PLCE1: variants seen among roughly 807,000 people sequenced by gnomAD.
PLCE1 encodes 1-phosphatidylinositol 4,5-bisphosphate phosphodiesterase epsilon-1.
In PLCE1, 119 loss-of-function variants were observed where a neutral mutation model predicts 242.8. That is an observed-to-expected ratio of 0.49 (90% confidence interval 0.42 to 0.57). The LOEUF is 0.57. Ranked by LOEUF, PLCE1 falls within the 20% of genes least tolerant of loss-of-function variation. The probability of loss-of-function intolerance (pLI) is 0.00; values close to 1 mark genes in which losing one functional copy is unlikely to be tolerated. For missense variants in PLCE1, 2,441 were observed against 2,788.8 expected, an observed-to-expected ratio of 0.88 and a Z score of 2.81; for synonymous variants, 945 against 1,017.4, an observed-to-expected ratio of 0.93 and a Z score of 1.35.
intron 14 of PLCE1, among the ~76,000 whole-genome samples, chr10:94,264,303 C>CAGGG (rs1236431373): frequency 6.6e-6 from 1 of 151,962 alleles, no homozygotes; most frequent in East Asian, 1.9e-4. Context: ...AAGACCAAGA[C>CAGGG]AGCAGCAAGC....
At chr10:94,012,545 G>T (rs985926674) in intron 1 of PLCE1, among the ~76,000 whole-genome samples, 1 of 152,046 alleles carries the variant, frequency 6.6e-6, no homozygotes, top group Non-Finnish European at 1.5e-5. Context: ...GATTGCCTGG[G>T]AAGCTGTGCA....
chr10:94,251,434 AAGGAG>A, intron 8 of PLCE1, among the ~76,000 whole-genome samples: 1 of 152,352 alleles, frequency 6.6e-6, no homozygotes, highest in Non-Finnish European at 1.5e-5. Context: ...TGGAACTGCA[AAGGAG>A]AGCCAGCCTG....
intron 4 of PLCE1, among the ~76,000 whole-genome samples, chr10:94,182,168 T>C (rs982676543): frequency 6.6e-6 from 1 of 151,972 alleles, no homozygotes; most frequent in African/African-American, 2.4e-5. Flanking sequence ...GGAAAATGGT[T>C]TCTATCTTTG....
At chr10:94,010,340 C>T (rs1486609601) in intron 1 of PLCE1, among the ~76,000 whole-genome samples, 1 of 152,214 alleles carries the variant, frequency 6.6e-6, no homozygotes, top group African/African-American at 2.4e-5. Context: ...TCCTCCTTAG[C>T]CTCTGAGCCT....
rs570696042 is a variant in PLCE1 at position 94,116,627 on chromosome 10, AG to A, written c.1207-15546del. On this transcript the variant is annotated intron_variant, in intron 2 of 32. Transcript: ENST00000371380. ...GGAGAATTGCTTGAACCTGGGAGGC[AG>A]AAGTTGCAATAAGCTAAAATCGCAC... Among the ~76,000 whole-genome samples the A allele has an allele frequency of 4.9e-3, 750 of 152,310 alleles. 8 individuals carry two copies. Among genetic ancestry groups the A allele is most frequent in the African/African-American group, 0.017 (716 of 41,564 alleles).
chr10:94,184,316 C>T (rs1041273422), intron 4 of PLCE1, among the ~76,000 whole-genome samples: 1 of 152,130 alleles, frequency 6.6e-6, no homozygotes, highest in Non-Finnish European at 1.5e-5. Context: ...GCCTACTTCT[C>T]CAACTTAACT....
rs574315481 is a variant in PLCE1 at position 94,330,584 on chromosome 10, G to A, written c.*2641G>A. 2.5e-4 allele frequency: 38 copies of A among 152,100 alleles called. No homozygotes were observed. Among genetic ancestry groups the A allele is most frequent in the African/African-American group, 8.9e-4 (37 of 41,460 alleles). The allele number at this position is 152,100 out of a possible 1,614,324, so 9.4% of individuals were successfully genotyped here. ...GGCACCTGTAAATCCCAGCTATTGG[G>A]GAGGCTGAGGCAGGAGAGAATTGCC... On this transcript the variant is annotated 3_prime_UTR_variant, in exon 33 of 33. Transcript: ENST00000371380.
intron 2 of PLCE1, among the ~76,000 whole-genome samples, chr10:94,061,825 G>T (rs2044063579): frequency 2.0e-5 from 3 of 152,186 alleles, no homozygotes; most frequent in Admixed American, 2.0e-4. Flanking sequence ...GCAAAAACTA[G>T]TTTTTGCTGT....
intron 4 of PLCE1, among the ~76,000 whole-genome samples, chr10:94,183,157 C>T (rs2048363846): frequency 2.0e-5 from 3 of 152,162 alleles, no homozygotes; most frequent in Admixed American, 2.0e-4. Context: ...TGAAAAACCA[C>T]TTTTAGAGAT....
chr10:94,146,356 G>A (rs539839563), intron 3 of PLCE1, among the ~76,000 whole-genome samples: 34 of 152,214 alleles, frequency 2.2e-4, no homozygotes, highest in African/African-American at 8.2e-4. Context: ...AAAAATTAGA[G>A]TCAGTTAAGA....
At chr10:94,027,645 C>T (rs1198827225) in intron 1 of PLCE1, among the ~76,000 whole-genome samples, 1 of 152,056 alleles carries the variant, frequency 6.6e-6, no homozygotes, top group African/African-American at 2.4e-5. Context: ...CATGGTGAAA[C>T]CCCGTCTCCA....
At position 94,084,974 on chromosome 10, in the gene PLCE1, G is replaced by A. The variant is rs540861231; in HGVS notation, c.1207-47200G>A. On this transcript the variant is annotated intron_variant, in intron 2 of 32. Coordinates refer to ENST00000371380, the MANE Select transcript of PLCE1 (RefSeq NM_016341.4). The stretch of plus-strand genomic sequence containing the variant: ...AAAATCACCCATGCAGAATGACATA[G>A]TAAATAAATGCAGAAATGAATGAAT... 3.3e-5 allele frequency among the ~76,000 whole-genome samples: 5 copies of A among 152,290 alleles called. No homozygotes were observed. In the South Asian group the frequency reaches 6.2e-4, roughly 19 times the overall value.
Position 94,316,567 on chromosome 10 carries a change from C to T in PLCE1, c.6153C>T (p.Asp2051=), listed in dbSNP as rs2053582078. The T allele has an allele frequency of 1.2e-6, 2 of 1,607,164 alleles. No homozygotes were observed. The highest frequency in any genetic ancestry group is 2.1e-4 in the Middle Eastern group (1 of 4,782). Residue 2051 remains aspartate, a synonymous_variant, in exon 29 of 33, where the codon GAC becomes GAT. Transcript: ENST00000371380. ...LLQQILTNEQ[D]IKPVTTDYFL... ...TTTAGATTCTGACAAATGAACAAGA[C>T]ATCAAACCTGTTACCACAGACTATT...
At chr10:94,279,601 G>A (rs918518365) in intron 19 of PLCE1, 181 bp from the exon 20 acceptor site, 5 of 650,708 alleles carry the variant, frequency 7.7e-6, no homozygotes, top group African/African-American at 5.4e-5. Context: ...GAATGCTAAC[G>A]TTCACCCAAG....
intron 4 of PLCE1, among the ~76,000 whole-genome samples, chr10:94,191,628 G>A (rs971416782): frequency 6.6e-6 from 1 of 151,874 alleles, no homozygotes; most frequent in African/African-American, 2.4e-5. Context: ...GGAACAGAGT[G>A]AGACCCTTTC....
chr10:94,058,735 A>T (rs1217348289), intron 2 of PLCE1, among the ~76,000 whole-genome samples: 1 of 152,142 alleles, frequency 6.6e-6, no homozygotes, highest in Non-Finnish European at 1.5e-5. Flanking sequence ...TAAAATGGTG[A>T]TGGGGACTTA....
At chr10:94,291,577 A>G (rs1261747429) in intron 22 of PLCE1, among the ~76,000 whole-genome samples, 1 of 152,134 alleles carries the variant, frequency 6.6e-6, no homozygotes. Context: ...GGGATTCCCT[A>G]TCTGTAAAAG....
At chr10:94,296,961 C>T (rs1450496919) in intron 23 of PLCE1, among the ~76,000 whole-genome samples, 2 of 152,018 alleles carry the variant, frequency 1.3e-5, no homozygotes, top group Non-Finnish European at 2.9e-5. Context: ...GCAACCTCCA[C>T]CTCCCGGGTT....
At chr10:94,058,606 G>A (rs2043966957) in intron 2 of PLCE1, among the ~76,000 whole-genome samples, 1 of 152,132 alleles carries the variant, frequency 6.6e-6, no homozygotes, top group Non-Finnish European at 1.5e-5. Context: ...CATTGGTCAG[G>A]TTAAGCAGAG....
Sources: gnomAD v4.1 joint callset for allele counts (sites outside exome capture counted in the v4.1 genomes callset) on GRCh38, gnomAD v4.1.1 for gene constraint, MANE v1.5 for transcripts, NCBI Gene and HGNC (gene_info 2026-07-23, HGNC 2026-07-21) for gene names.